ANKZF1: variants seen among roughly 807,000 people sequenced by gnomAD.
ANKZF1 encodes ankyrin repeat and zinc finger peptidyl tRNA hydrolase 1.
In ANKZF1, 84 loss-of-function variants were observed where a neutral mutation model predicts 86.0. The observed-to-expected ratio is 0.98, with a 90% CI of 0.82 to 1.17. The LOEUF (loss-of-function observed/expected upper bound fraction) is 1.17. ANKZF1 is among the 50% of genes most tolerant of loss of function. ANKZF1 has a pLI of 0.00. For synonymous variants in ANKZF1, 331 were observed against 354.2 expected (o/e 0.93, Z 0.74); for missense variants, 893 against 918.4 (o/e 0.97, Z 0.36).
chr2:219,231,167 T>C (rs1951022181), intron 2 of ANKZF1: 2 of 152,674 alleles, frequency 1.3e-5, no homozygotes, highest in African/African-American at 4.8e-5. Flanking sequence ...AAAATAATTT[T>C]AAACTGAACA....
Position 219,235,083 on chromosome 2 carries a change from G to T in ANKZF1, c.1462G>T (p.Ala488Ser). The T allele has an allele frequency of 6.2e-7, 1 of 1,614,208 alleles. No homozygotes were observed. Among genetic ancestry groups the T allele is most frequent in the Non-Finnish European group, 8.5e-7 (1 of 1,180,050 alleles). ...PLGPLLDEAK[A>S]PGQPELWNAL... is the part of the protein sequence containing the mutation. ...GGGCCCTTTGCTGGATGAGGCCAAA[G>T]CCCCTGGTCAGCCAGAGCTCTGGAA... Residue 488 changes from alanine to serine, a missense_variant, in exon 10 of 14, where the codon GCC (alanine) becomes TCC (serine). Coordinates refer to ENST00000323348, the MANE Select transcript of ANKZF1 (RefSeq NM_018089.3).
In ANKZF1 at chr2:219,232,037, ACAGGTAATAGGT is replaced by A; in HGVS notation, c.261+3_261+14del. ...ACCAGACCTTCCAGAACCACCAAGA[ACAGGTAATAGGT>A]CAGGTGCAGAGCTAGATGTTAGAAG... On this transcript the variant is annotated splice_donor_variant and splice_donor_5th_base_variant and coding_sequence_variant and intron_variant, in exon 3 of 14. Transcript: ENST00000323348. LOFTEE classifies it high-confidence loss of function. 6.2e-7 allele frequency: 1 copy of A among 1,604,504 alleles called. No homozygotes were observed. The highest frequency in any genetic ancestry group is 1.1e-5 in the South Asian group (1 of 90,056).
At position 219,232,372 on chromosome 2, in the gene ANKZF1, G is replaced by A. The variant is rs1480029721; in HGVS notation, c.364+10G>A. Reference sequence around the variant, plus strand: ...AAGCAGAGCTCCACAGGTGATGAGTGGTAGGGGGACCTATGTAGGAGTAGG... The same window carrying A: ...AAGCAGAGCTCCACAGGTGATGAGTAGTAGGGGGACCTATGTAGGAGTAGG... On this transcript the variant is annotated intron_variant, in intron 4 of 13. Coordinates refer to ENST00000323348, the MANE Select transcript of ANKZF1 (RefSeq NM_018089.3). 5.0e-6 allele frequency: 8 copies of A among 1,613,756 alleles called. No homozygotes were observed. The highest frequency in any genetic ancestry group is 1.1e-5 in the South Asian group (1 of 91,072).
At position 219,232,648 on chromosome 2, in the gene ANKZF1, C is replaced by T; in HGVS notation, c.523C>T (p.Leu175Phe). 1 of 1,614,204 alleles carries T rather than the reference C, an allele frequency of 6.2e-7. No homozygotes were observed. Among genetic ancestry groups the T allele is most frequent in the Non-Finnish European group, 8.5e-7 (1 of 1,180,028 alleles). Residue 175 changes from leucine to phenylalanine, a missense_variant, in exon 5 of 14, where the codon CTT becomes TTT. Transcript: ENST00000323348. Reference sequence around the variant, plus strand: ...TTTCCAGAATGCCCAGGGCCAGTTTCTTTATGCCTACCGCTGTGTCCTAGG... The same window carrying T: ...TTTCCAGAATGCCCAGGGCCAGTTTTTTTATGCCTACCGCTGTGTCCTAGG... ...VLFQNAQGQF[L>F]YAYRCVLGPH...
chr2:219,230,357 C>T lies in ANKZF1; in HGVS notation c.100C>T (p.His34Tyr). 3.7e-6 allele frequency: 6 copies of T among 1,613,884 alleles called. 1 individual carries two copies. In the South Asian group the frequency reaches 6.6e-5, roughly 18 times the overall value. ...CTTTCAGGGCCTGAGCCTGGTGAGCCACGCGCCTGGGGAGGCTCTGGCCCG... is the reference window on the plus strand; with the variant it reads ...CTTTCAGGGCCTGAGCCTGGTGAGCTACGCGCCTGGGGAGGCTCTGGCCCG... ...PVFQGLSLVS[H>Y]APGEALARAP... Residue 34 changes from histidine to tyrosine, a missense_variant, in exon 2 of 14, where the codon CAC becomes TAC. Transcript: ENST00000323348.
chr2:219,230,969 C>CA (rs1291716755), intron 2 of ANKZF1: 1 of 152,266 alleles, frequency 6.6e-6, no homozygotes, highest in African/African-American at 2.4e-5. Flanking sequence ...AAACTCCTGG[C>CA]CTCAAGTGAT....
chr2:219,233,995 C>G, intron 8 of ANKZF1, 52 bp downstream of exon 8: 2 of 1,530,426 alleles, frequency 1.3e-6, no homozygotes, highest in Non-Finnish European at 1.8e-6. Flanking sequence ...TTCTCTCCAA[C>G]CTAAGCCTCC....
intron 2 of ANKZF1, 63 bp downstream of exon 2, chr2:219,230,468 G>A: frequency 6.6e-7 from 1 of 1,519,286 alleles, no homozygotes; most frequent in Non-Finnish European, 8.8e-7. Flanking sequence ...CCCGTTCAGG[G>A]AACACATTCT....
chr2:219,230,621 C>T (rs1047870757), intron 2 of ANKZF1: 28 of 472,482 alleles, frequency 5.9e-5, no homozygotes, highest in Non-Finnish European at 8.9e-5. Flanking sequence ...ACGTTAACAC[C>T]ATTCCCTTCA....
At position 219,236,333 on chromosome 2, in the gene ANKZF1, G is replaced by A. The variant is rs1238160782; in HGVS notation, c.2069G>A (p.Ser690Asn). The A allele has an allele frequency of 6.2e-7, 1 of 1,614,112 alleles. No homozygotes were observed. The highest frequency in any genetic ancestry group is 8.5e-7 in the Non-Finnish European group (1 of 1,180,028). Reference protein sequence around the residue: ...SAIVNTRRCWSCGASLQGLTP... With the variant: ...SAIVNTRRCWNCGASLQGLTP... ...TTCCTCTTGTTCAGACGCTGCTGGA[G>A]TTGTGGGGCATCCCTCCAAGGCCTG... The change falls in exon 14 of 14, where the codon AGT (serine) becomes AAT (asparagine). Residue 690 changes from serine to asparagine, a missense_variant. Transcript: ENST00000323348.
Position 219,233,068 on chromosome 2 carries a change from C to CTA in ANKZF1, c.559-10_559-9insAT. ...CAACAGATATGTTTCTGATGCTTCT[C>CTA]TGTCATCAAGGATCCCCCAGAAGAG... On this transcript the variant is annotated splice_polypyrimidine_tract_variant and intron_variant, in intron 5 of 13. Transcript: ENST00000323348. The CTA allele has an allele frequency of 6.2e-7, 1 of 1,611,338 alleles. No individual in the cohort carries two copies. Among genetic ancestry groups the CTA allele is most frequent in the East Asian group, 2.2e-5 (1 of 44,878 alleles).
Position 219,235,864 on chromosome 2 carries a change from G to A in ANKZF1, c.1960G>A (p.Asp654Asn), listed in dbSNP as rs1189913220. 6.2e-7 allele frequency: 1 copy of A among 1,614,166 alleles called. No individual in the cohort carries two copies. Among genetic ancestry groups the A allele is most frequent in the African/African-American group, 1.3e-5 (1 of 75,050 alleles). Reference protein sequence around the residue: ...EEQRRFAALSDREKRALAAER... With the variant: ...EEQRRFAALSNREKRALAAER... The stretch of plus-strand genomic sequence containing the variant: ...GCAGCGGCGATTTGCCGCCCTCAGT[G>A]ACCGAGAGAAGGTGAGGCTGGAGGT... The change falls in exon 12 of 14, where the codon GAC becomes AAC. Residue 654 changes from aspartate (D) to asparagine (N), a missense_variant. Transcript: ENST00000323348.
chr2:219,234,047 T>C (rs1951128254), intron 8 of ANKZF1, 86 bp from the exon 9 acceptor site: 10 of 1,550,254 alleles, frequency 6.5e-6, no homozygotes, highest in African/African-American at 1.4e-5. Context: ...AGCCTTGGAC[T>C]GCAGCCCAGC....
chr2:219,236,067 A>G lies in ANKZF1; in HGVS notation c.2029A>G (p.Ile677Val), dbSNP rs1046810994. 9.9e-6 allele frequency: 16 copies of G among 1,614,018 alleles called. No individual in the cohort carries two copies. Among genetic ancestry groups the G allele is most frequent in the African/African-American group, 1.3e-5 (1 of 74,876 alleles). Reference protein sequence around the residue: ...AAQLGAPTSPIPDSAIVNTRR... With the variant: ...AAQLGAPTSPVPDSAIVNTRR... ...CCAGTTGGGAGCCCCTACCTCTCCA[A>G]TCCCTGACTCTGCAATCGTCAATAC... Residue 677 changes from isoleucine to valine, a missense_variant, in exon 13 of 14, where the codon ATC (isoleucine) becomes GTC (valine). Transcript: ENST00000323348.
Position 219,234,913 on chromosome 2 carries a change from A to C in ANKZF1, c.1292A>C (p.Glu431Ala). The C allele has an allele frequency of 1.2e-5, 20 of 1,614,122 alleles. No homozygotes were observed. Among genetic ancestry groups the C allele is most frequent in the Non-Finnish European group, 1.7e-5 (20 of 1,180,028 alleles). ...TVGTLDLCES[E>A]VLPKRRRRKR... Reference sequence around the variant, plus strand: ...GGGACTCTGGATCTTTGTGAGTCTGAAGTATTGCCCAAGCGGAGGAGGAGA... The same window carrying C: ...GGGACTCTGGATCTTTGTGAGTCTGCAGTATTGCCCAAGCGGAGGAGGAGA... Residue 431 changes from glutamate (E) to alanine (A), a missense_variant, in exon 10 of 14, where the codon GAA becomes GCA. Transcript: ENST00000323348.
rs915528031 is a variant in ANKZF1, at chr2:219,235,015, A to G, written c.1394A>G (p.Glu465Gly). 2 of 1,614,276 alleles carry G rather than the reference A, an allele frequency of 1.2e-6. No homozygotes were observed. The highest frequency in any genetic ancestry group is 3.3e-5 in the Admixed American group (2 of 60,038). The change falls in exon 10 of 14, where the codon GAG becomes GGG. Residue 465 changes from glutamate (E) to glycine (G), a missense_variant. Coordinates refer to ENST00000323348, the MANE Select transcript of ANKZF1 (RefSeq NM_018089.3). ...HRTLLQQTQE[E>G]EPSTQSSQAV... ...ACTCTTCTCCAGCAAACTCAAGAAG[A>G]GGAGCCTTCCACACAGTCATCCCAG...
rs372924586 is a variant in ANKZF1 at position 219,234,243 on chromosome 2, G to A, written c.1159G>A (p.Asp387Asn). 1.8e-5 allele frequency: 29 copies of A among 1,613,910 alleles called. No individual in the cohort carries two copies. The highest frequency in any genetic ancestry group is 2.4e-5 in the Non-Finnish European group (28 of 1,180,048). Reference sequence around the variant, plus strand: ...GGAAGAAATAAGAAAGATCTGCAGGGATGAAAAGGAAGCGCTGGGGCAGAA... The same window carrying A: ...GGAAGAAATAAGAAAGATCTGCAGGAATGAAAAGGAAGCGCTGGGGCAGAA... ...TEEEIRKICR[D>N]EKEALGQNEE... Residue 387 changes from aspartate to asparagine, a missense_variant, in exon 9 of 14, where the codon GAT (aspartate) becomes AAT (asparagine). Asp to Asn is a conservative substitution (Grantham distance 23). Transcript: ENST00000323348.
chr2:219,236,228 G>T (rs757853580), intron 13 of ANKZF1, 94 bp from the exon 14 acceptor site: 270 of 1,606,868 alleles, frequency 1.7e-4, no homozygotes, highest in Non-Finnish European at 2.2e-4. Flanking sequence ...AGATGCTGCA[G>T]TGAAAACAGA....
Position 219,230,382 on chromosome 2 carries a change from G to C in ANKZF1, c.125G>C (p.Arg42Pro), listed in dbSNP as rs761175747. Reference protein sequence around the residue: ...VSHAPGEALARAPRTSCSGSG... With the variant: ...VSHAPGEALAPAPRTSCSGSG... ...CACGCGCCTGGGGAGGCTCTGGCCC[G>C]GGCTCCGCGTACTTCCTGTTCAGGT... The change falls in exon 2 of 14, where the codon CGG (arginine) becomes CCG (proline). Residue 42 changes from arginine to proline, a missense_variant. Arg to Pro is a moderately radical substitution (Grantham distance 103, BLOSUM62 -2). Coordinates refer to ENST00000323348, the MANE Select transcript of ANKZF1 (RefSeq NM_018089.3). 1.7e-4 allele frequency: 276 copies of C among 1,611,266 alleles called. No homozygotes were observed. The highest frequency in any genetic ancestry group is 2.3e-4 in the Non-Finnish European group (271 of 1,178,156).
Sources: gnomAD v4.1 joint callset for allele counts on GRCh38, gnomAD v4.1.1 for gene constraint, MANE v1.5 for transcripts, NCBI Gene and HGNC (gene_info 2026-07-23, HGNC 2026-07-21) for gene names.